The following DGKB variants were observed in gnomAD, a reference collection of about 807,000 sequenced individuals.
DGKB encodes diacylglycerol kinase beta.
Under a neutral mutation model 114.3 loss-of-function variants are expected in DGKB, and 67 were observed. The ratio of observed to expected loss-of-function variants is 0.59; its 90% CI spans 0.48 to 0.72. The LOEUF (loss-of-function observed/expected upper bound fraction) is 0.72. Ranked by LOEUF, DGKB falls within the 30% of genes least tolerant of loss-of-function variation. The pLI, the probability that DGKB is intolerant of heterozygous loss-of-function variation, is 0.00. For synonymous variants in DGKB, 398 were observed against 323.1 expected (o/e 1.23, Z -2.49); for missense variants, 907 against 975.2 (o/e 0.93, Z 0.93).
chr7:14,471,286 A>ATG (rs1175633258), intron 21 of DGKB, among the ~76,000 whole-genome samples: 4 of 145,574 alleles, frequency 2.7e-5, no homozygotes, highest in African/African-American at 5.2e-5. Flanking sequence ...ACATACATAT[A>ATG]TGTATGGAAT....
intron 23 of DGKB, among the ~76,000 whole-genome samples, chr7:14,207,492 G>T (rs911633729): frequency 2.6e-5 from 4 of 151,964 alleles, no homozygotes; most frequent in African/African-American, 7.2e-5. Flanking sequence ...TGAGGTGTTG[G>T]ACTCATGCAC....
chr7:14,810,014 A>G (rs1366326538), intron 2 of DGKB, among the ~76,000 whole-genome samples: 1 of 152,210 alleles, frequency 6.6e-6, no homozygotes, highest in Non-Finnish European at 1.5e-5. Flanking sequence ...ACTGTTAAAC[A>G]TGTTCGGATT....
Position 14,146,648 on chromosome 7 carries a change from C to T in DGKB, c.*2483G>A, listed in dbSNP as rs1361803346. On this transcript the variant is annotated 3_prime_UTR_variant, in exon 26 of 26. Transcript: ENST00000402815. ...AAGTTACGTTTTTAAAAACTACTTT[C>T]CAAACCCCAGGGGCAGTATACTTGA... is the stretch of plus-strand genomic sequence containing the variant. 6.6e-6 allele frequency: 1 copy of T among 152,088 alleles called. No homozygotes were observed. The highest frequency in any genetic ancestry group is 1.5e-5 in the Non-Finnish European group (1 of 67,992). 9.4% of individuals were successfully genotyped at this position (152,088 alleles called of 1,614,324 possible).
intron 25 of DGKB, among the ~76,000 whole-genome samples, chr7:14,163,106 A>G (rs1784141489): frequency 1.3e-5 from 2 of 152,336 alleles, no homozygotes; most frequent in South Asian, 4.1e-4. Flanking sequence ...GCAATGAACC[A>G]AAATGGAAAT....
chr7:14,784,367 C>CTTTTTTT (rs1216046590), intron 2 of DGKB, among the ~76,000 whole-genome samples: 1 of 129,216 alleles, frequency 7.7e-6, no homozygotes. Flanking sequence ...AAATTATATG[C>CTTTTTTT]TTTTTTTTTT....
At chr7:14,641,931 T>C (rs1811881144) in intron 13 of DGKB, among the ~76,000 whole-genome samples, 2 of 152,084 alleles carry the variant, frequency 1.3e-5, no homozygotes, top group African/African-American at 4.8e-5. Context: ...TAATTTGAAG[T>C]GACGTAGGTT....
chr7:14,714,426 T>G (rs1827864130), intron 6 of DGKB, among the ~76,000 whole-genome samples: 1 of 152,052 alleles, frequency 6.6e-6, no homozygotes, highest in African/African-American at 2.4e-5. Flanking sequence ...GATCGGTGTA[T>G]GCACGCCAAG....
At chr7:14,200,989 A>T (rs904887282) in intron 23 of DGKB, among the ~76,000 whole-genome samples, 2 of 152,074 alleles carry the variant, frequency 1.3e-5, no homozygotes, top group African/African-American at 4.8e-5. Context: ...ATCACATTTT[A>T]TAAAGGACAT....
chr7:14,662,146 G>A (rs75088985), intron 13 of DGKB, among the ~76,000 whole-genome samples: 1 of 151,726 alleles, frequency 6.6e-6, no homozygotes, highest in Admixed American at 6.6e-5. Flanking sequence ...CATGGCACAT[G>A]TATACATATG....
At chr7:14,769,545 G>C in intron 2 of DGKB, among the ~76,000 whole-genome samples, 1 of 151,114 alleles carries the variant, frequency 6.6e-6, no homozygotes, top group Non-Finnish European at 1.5e-5. Context: ...AAACTGCCAA[G>C]AACATCAAAC....
In DGKB at chr7:14,193,330, G is replaced by C. The variant is rs147310679; in HGVS notation, c.2123-15179C>G. 5.3e-3 allele frequency among the ~76,000 whole-genome samples: 802 copies of C among 152,116 alleles called. 10 individuals carry two copies. The highest frequency in any genetic ancestry group is 0.018 in the African/African-American group (747 of 41,482). On this transcript the variant is annotated intron_variant, in intron 23 of 25. Coordinates refer to ENST00000402815, the MANE Select transcript of DGKB (RefSeq NM_001350709.2). ...AAGATATAGTAACCAAAACAACATG[G>C]CGCTGGCACAGAAACAGACACATAG...
chr7:14,338,412 A>C, intron 23 of DGKB, 103 bp downstream of exon 23: 1 of 621,862 alleles, frequency 1.6e-6, no homozygotes. Flanking sequence ...CAACTGTAAA[A>C]ATATATAAAT....
chr7:14,232,659 C>A (rs943207212), intron 23 of DGKB, among the ~76,000 whole-genome samples: 1 of 151,660 alleles, frequency 6.6e-6, no homozygotes, highest in Non-Finnish European at 1.5e-5. Context: ...ATTCAGAAAG[C>A]AAAAAAACTA....
At chr7:14,220,031 G>A (rs997377289) in intron 23 of DGKB, among the ~76,000 whole-genome samples, 1 of 151,608 alleles carries the variant, frequency 6.6e-6, no homozygotes, top group Non-Finnish European at 1.5e-5. Flanking sequence ...ACATTATAGA[G>A]TGCACTTACA....
intron 23 of DGKB, among the ~76,000 whole-genome samples, chr7:14,278,093 G>A (rs183259341): frequency 9.8e-4 from 149 of 152,254 alleles, no homozygotes; most frequent in African/African-American, 3.0e-3. Flanking sequence ...TACAGATTCA[G>A]TGCAATTCCT....
At chr7:14,228,002 C>G (rs1791090796) in intron 23 of DGKB, among the ~76,000 whole-genome samples, 1 of 151,980 alleles carries the variant, frequency 6.6e-6, no homozygotes, top group African/African-American at 2.4e-5. Context: ...AAGCCCTTGT[C>G]TATGCTGAAC....
intron 1 of DGKB, among the ~76,000 whole-genome samples, chr7:14,973,538 CT>C (rs1221267709): frequency 2.1e-3 from 246 of 119,096 alleles, no homozygotes; most frequent in African/African-American, 7.1e-3. Context: ...TTTTTTTTTT[CT>C]TTTTTTTTTC....
chr7:14,709,161 G>A (rs1250120611), intron 6 of DGKB, among the ~76,000 whole-genome samples: 1 of 152,116 alleles, frequency 6.6e-6, no homozygotes. Context: ...CGAAGGACAT[G>A]AACAGACACT....
rs983098317 is a variant in DGKB at position 14,472,232 on chromosome 7, A to C, written c.1835+5929T>G. Among the ~76,000 whole-genome samples the C allele has an allele frequency of 2.6e-5, 4 of 152,262 alleles. No individual in the cohort carries two copies. In the East Asian group the frequency reaches 7.7e-4, roughly 29 times the overall value. ...ATCTTGAATTTCCACATGTTGTGTG[A>C]GGTACCCAGTGGGAAGTAACTGAAT... On this transcript the variant is annotated intron_variant, in intron 21 of 25. Transcript: ENST00000402815.
Sources: gnomAD v4.1 joint callset for allele counts (sites outside exome capture counted in the v4.1 genomes callset) on GRCh38, gnomAD v4.1.1 for gene constraint, MANE v1.5 for transcripts, NCBI Gene and HGNC (gene_info 2026-07-23, HGNC 2026-07-21) for gene names.